Variants in CTIF observed in about 807,000 individuals in gnomAD.
The protein encoded by CTIF is cap binding complex dependent translation initiation factor, also known as CBP80/20-dependent translation initiation factor.
A neutral mutation model predicts 66.0 loss-of-function variants in CTIF; 21 were observed. The ratio of observed to expected loss-of-function variants is 0.32; its 90% CI spans 0.23 to 0.46. CTIF has a LOEUF of 0.46. Among genes scored for constraint, CTIF ranks in the 20% least tolerant of loss-of-function variants. The probability of loss-of-function intolerance (pLI) is 1.00; values close to 1 mark genes in which losing one functional copy is unlikely to be tolerated. For synonymous variants in CTIF, 345 were observed against 326.4 expected (o/e 1.06, Z -0.62); for missense variants, 739 against 812.7 (o/e 0.91, Z 1.10).
chr18:48,686,527 G>A (rs963395363), intron 6 of CTIF, among the ~76,000 whole-genome samples: 7 of 142,222 alleles, frequency 4.9e-5, no homozygotes, highest in East Asian at 1.9e-4. Context: ...ATTGCTGCTC[G>A]GTTCTCACGT....
At chr18:48,564,973 A>G (rs2089247203) in intron 1 of CTIF, 1 of 152,184 alleles carries the variant, frequency 6.6e-6, no homozygotes, top group African/African-American at 2.4e-5. Context: ...CCTGATATTG[A>G]GATAAATTTT....
At chr18:48,814,244 C>T (rs992811797) in intron 9 of CTIF, among the ~76,000 whole-genome samples, 7 of 152,144 alleles carry the variant, frequency 4.6e-5, no homozygotes, top group Admixed American at 2.0e-4. Flanking sequence ...TTTTAACACC[C>T]GAGTTAGCAC....
intron 10 of CTIF, among the ~76,000 whole-genome samples, chr18:48,857,257 C>A (rs1028080468): frequency 1.3e-5 from 2 of 152,242 alleles, no homozygotes; most frequent in East Asian, 3.8e-4. Context: ...GTTGTTAACA[C>A]TGGATGATCC....
intron 7 of CTIF, among the ~76,000 whole-genome samples, chr18:48,742,817 G>T (rs2092566282): frequency 6.6e-6 from 1 of 152,150 alleles, no homozygotes; most frequent in Non-Finnish European, 1.5e-5. Flanking sequence ...GGGGTATTGG[G>T]GTGTTTTTTC....
At chr18:48,628,388 G>C (rs760911583) in intron 2 of CTIF, among the ~76,000 whole-genome samples, 2 of 152,152 alleles carry the variant, frequency 1.3e-5, no homozygotes, top group Non-Finnish European at 2.9e-5. Flanking sequence ...AAGTTGGGGA[G>C]ATGAGGAGGA....
At chr18:48,785,264 A>G (rs1568216881) in intron 9 of CTIF, among the ~76,000 whole-genome samples, 1 of 152,194 alleles carries the variant, frequency 6.6e-6, no homozygotes, top group Non-Finnish European at 1.5e-5. Context: ...TCTGACTCTT[A>G]GAGGCTCCAA....
chr18:48,841,345 G>A (rs1040141947), intron 10 of CTIF, among the ~76,000 whole-genome samples: 14 of 152,060 alleles, frequency 9.2e-5, no homozygotes, highest in Non-Finnish European at 1.3e-4. Flanking sequence ...CTCTGCAGCC[G>A]GGCCCTCCCT....
intron 7 of CTIF, among the ~76,000 whole-genome samples, chr18:48,728,059 T>A (rs1205000433): frequency 6.6e-6 from 1 of 152,212 alleles, no homozygotes; most frequent in Non-Finnish European, 1.5e-5. Context: ...AAAAACTTCT[T>A]CCTTAGATAA....
intron 9 of CTIF, among the ~76,000 whole-genome samples, chr18:48,763,801 G>A (rs1598998517): frequency 6.6e-6 from 1 of 152,172 alleles, no homozygotes; most frequent in Admixed American, 6.5e-5. Flanking sequence ...GGGACCCCGT[G>A]TGAGCCTTTC....
chr18:48,667,415 G>T (rs1440888772), intron 5 of CTIF, among the ~76,000 whole-genome samples: 3 of 152,212 alleles, frequency 2.0e-5, no homozygotes, highest in African/African-American at 7.2e-5. Flanking sequence ...TCCCTGGGCA[G>T]CTCCAGTCTC....
At chr18:48,595,870 G>A (rs532171705) in intron 1 of CTIF, among the ~76,000 whole-genome samples, 1 of 152,272 alleles carries the variant, frequency 6.6e-6, no homozygotes, top group South Asian at 2.1e-4. Flanking sequence ...GTGTGTGGGT[G>A]GTGACAGGAT....
chr18:48,776,282 C>G (rs1316196356), intron 9 of CTIF, among the ~76,000 whole-genome samples: 1 of 152,248 alleles, frequency 6.6e-6, no homozygotes, highest in Non-Finnish European at 1.5e-5. Context: ...TCTTTGTGCA[C>G]CAGCTGCTTC....
chr18:48,711,807 T>C lies in CTIF; in HGVS notation c.584+112T>C, dbSNP rs546727253. The C allele has an allele frequency of 1.0e-4, 91 of 881,168 alleles. No individual in the cohort carries two copies. In the African/African-American group the frequency reaches 1.5e-3, roughly 14 times the overall value. 54.6% of individuals were successfully genotyped at this position (881,168 alleles called of 1,614,324 possible). ...TTTCCCAGTCACCAGCTGATCCTGATGAGATGGGGTTGGTGGCATCGTGGG... is the reference window on the plus strand; with the variant it reads ...TTTCCCAGTCACCAGCTGATCCTGACGAGATGGGGTTGGTGGCATCGTGGG... On this transcript the variant is annotated intron_variant, in intron 7 of 11. Coordinates refer to ENST00000256413, the MANE Select transcript of CTIF (RefSeq NM_014772.3).
intron 1 of CTIF, among the ~76,000 whole-genome samples, chr18:48,550,309 T>C (rs1024661798): frequency 2.6e-5 from 4 of 152,116 alleles, no homozygotes; most frequent in African/African-American, 9.7e-5. Flanking sequence ...GAGGCTCCAG[T>C]GGGTTGGTAG....
chr18:48,734,286 C>T (rs975139646), intron 7 of CTIF, among the ~76,000 whole-genome samples: 2 of 152,232 alleles, frequency 1.3e-5, no homozygotes, highest in Non-Finnish European at 2.9e-5. Context: ...ATTATTTGGG[C>T]TGGGCTCAGT....
intron 2 of CTIF, among the ~76,000 whole-genome samples, chr18:48,629,343 A>G (rs943237692): frequency 1.3e-5 from 2 of 152,220 alleles, no homozygotes; most frequent in Non-Finnish European, 2.9e-5. Flanking sequence ...AATTACAATA[A>G]TAGTGCAAAC....
intron 1 of CTIF, among the ~76,000 whole-genome samples, chr18:48,594,672 G>A (rs1043645589): frequency 4.8e-4 from 73 of 152,180 alleles, no homozygotes; most frequent in African/African-American, 1.4e-3. Context: ...GCAAGGTGCC[G>A]GAAATCCATG....
intron 6 of CTIF, among the ~76,000 whole-genome samples, chr18:48,676,871 T>C (rs2091638684): frequency 6.6e-6 from 1 of 151,884 alleles, no homozygotes; most frequent in Non-Finnish European, 1.5e-5. Context: ...AAAATGAAAA[T>C]CATGGCTCCA....
intron 10 of CTIF, among the ~76,000 whole-genome samples, chr18:48,824,418 G>A (rs1182681155): frequency 1.3e-5 from 2 of 152,092 alleles, no homozygotes; most frequent in Non-Finnish European, 2.9e-5. Context: ...GAGCCAACAT[G>A]CCAGGCTGTG....
Sources: allele counts gnomAD v4.1 joint callset (sites outside exome capture counted in the v4.1 genomes callset), GRCh38; gene constraint gnomAD v4.1.1; transcripts MANE v1.5; gene names NCBI Gene and HGNC (gene_info 2026-07-23, HGNC 2026-07-21).